The following PDXK variants were observed in gnomAD, a reference collection of about 807,000 sequenced individuals.
PDXK encodes epididymis secretory sperm binding protein Li 1a.
A neutral mutation model predicts 43.2 loss-of-function variants in PDXK; 15 were observed. The ratio of observed to expected loss-of-function variants is 0.35; its 90% confidence interval spans 0.23 to 0.53. PDXK has a LOEUF of 0.53. Among genes scored for constraint, PDXK ranks in the 20% least tolerant of loss-of-function variants. The probability of loss-of-function intolerance (pLI) is 0.92; values close to 1 mark genes in which losing one functional copy is unlikely to be tolerated. For missense variants in PDXK, 343 were observed against 417.0 expected (o/e 0.82, Z 1.54); for synonymous variants, 172 against 165.4 (o/e 1.04, Z -0.31).
chr21:43,753,089 C>T (rs566699015), intron 8 of PDXK, among the ~76,000 whole-genome samples: 1 of 152,308 alleles, frequency 6.6e-6, no homozygotes, highest in East Asian at 1.9e-4. Context: ...GGGAGCCTTG[C>T]AGGCACACAC....
In PDXK at chr21:43,737,329, G is replaced by C; in HGVS notation, c.142+3206G>C. The C allele has an allele frequency of 3.7e-6, 5 of 1,350,914 alleles. No homozygotes were observed. Among genetic ancestry groups the C allele is most frequent in the Non-Finnish European group, 4.8e-6 (5 of 1,051,006 alleles). The allele number at this position is 1,350,914 out of a possible 1,614,324, so 83.7% of individuals were successfully genotyped here. On this transcript the variant is annotated intron_variant, in intron 2 of 10. Coordinates refer to ENST00000291565, the MANE Select transcript of PDXK (RefSeq NM_003681.5). The surrounding 1 kb of genome is among the most constrained non-coding windows in gnomAD (Gnocchi z 4.8). ...TGCTCGCACTTCTGCCCCTTCCCCCGGCCAGGCCCCCGTTCCTTGAGGCCG... is the reference window on the plus strand; with the variant it reads ...TGCTCGCACTTCTGCCCCTTCCCCCCGCCAGGCCCCCGTTCCTTGAGGCCG...
In PDXK at chr21:43,740,097, C is replaced by T. The variant is rs147664892; in HGVS notation, c.143-1570C>T. On this transcript the variant is annotated intron_variant, in intron 2 of 10. Coordinates refer to ENST00000291565, the MANE Select transcript of PDXK (RefSeq NM_003681.5). ...CCTCAGTGCGTACACTCTGGTGTCC[C>T]GGGCAGAGTACAGGGCAGGCGCCCC... Among the ~76,000 whole-genome samples, 103 of 152,172 alleles carry T rather than the reference C, an allele frequency of 6.8e-4. 1 individual carries two copies. The highest frequency in any genetic ancestry group is 1.9e-3 in the African/African-American group (78 of 41,574).
At chr21:43,742,721 T>A (rs1036906815) in intron 3 of PDXK, among the ~76,000 whole-genome samples, 37 of 151,854 alleles carry the variant, frequency 2.4e-4, no homozygotes, top group African/African-American at 3.9e-4. Context: ...TACAAAAAAA[T>A]TTTTAAAAAT....
intron 1 of PDXK, chr21:43,728,851 C>G: frequency 1.0e-6 from 1 of 985,598 alleles, no homozygotes; most frequent in Non-Finnish European, 1.2e-6. Context: ...AAAGCACTTC[C>G]GCTGCGGCCC....
intron 2 of PDXK, chr21:43,738,101 C>A: frequency 1.1e-6 from 1 of 943,762 alleles, no homozygotes; most frequent in Non-Finnish European, 1.3e-6. Flanking sequence ...TCTCATGTTG[C>A]AGCCTTAACC....
rs1056859362 is a variant in PDXK, at chr21:43,723,154, TTTC to T, written c.87+3776_87+3778del. On this transcript the variant is annotated intron_variant, in intron 1 of 10. Transcript: ENST00000291565. This position sits in a 1 kb window ranked among gnomAD's most constrained non-coding sequence, Gnocchi z 4.1. The stretch of plus-strand genomic sequence containing the variant: ...ACGCCTGGCCTTCTTTTTCTTTTTC[TTTC>T]TTTTTTTTTTTTTTGAGACGAGGGT... Among the ~76,000 whole-genome samples the T allele has an allele frequency of 3.2e-4, 46 of 143,880 alleles. No homozygotes were observed. The highest frequency in any genetic ancestry group is 7.5e-4 in the African/African-American group (26 of 34,784). 94.4% of individuals were successfully genotyped at this position (143,880 alleles called of 152,430 possible).
At chr21:43,725,106 A>G (rs1240368866) in intron 1 of PDXK, among the ~76,000 whole-genome samples, 1 of 151,260 alleles carries the variant, frequency 6.6e-6, no homozygotes, top group East Asian at 2.0e-4. Context: ...GGCGGATCAC[A>G]AGATCAGGAG....
At chr21:43,752,919 G>A (rs549576641) in intron 8 of PDXK, among the ~76,000 whole-genome samples, 7 of 152,182 alleles carry the variant, frequency 4.6e-5, no homozygotes, top group Non-Finnish European at 1.0e-4. Flanking sequence ...CCACCCGGCT[G>A]TGCTGATTGT....
intron 2 of PDXK, among the ~76,000 whole-genome samples, chr21:43,739,319 G>A (rs943851919): frequency 3.3e-5 from 5 of 152,102 alleles, no homozygotes; most frequent in Non-Finnish European, 4.4e-5. Flanking sequence ...CACCGCACCC[G>A]GCCCCACCTT....
chr21:43,740,186 C>T (rs1292909542), intron 2 of PDXK, among the ~76,000 whole-genome samples: 2 of 152,078 alleles, frequency 1.3e-5, no homozygotes, highest in Non-Finnish European at 1.5e-5. Context: ...GTCTCAGGAC[C>T]TTTGCGCCAC....
rs2083634779 is a variant in PDXK, at chr21:43,746,131, T to C, written c.378+6T>C. 7 of 1,608,956 alleles carry C rather than the reference T, an allele frequency of 4.4e-6. No homozygotes were observed. The highest frequency in any genetic ancestry group is 6.0e-6 in the Non-Finnish European group (7 of 1,175,354). ...GGGACGGCGAAGGCTCGATGGTGAGTAGTTTCACGTGTGTGATTTAAAAGT... is the reference window on the plus strand; with the variant it reads ...GGGACGGCGAAGGCTCGATGGTGAGCAGTTTCACGTGTGTGATTTAAAAGT... On this transcript the variant is annotated splice_donor_region_variant and intron_variant, in intron 5 of 10. Transcript: ENST00000291565.
At chr21:43,741,935 G>C (rs1040287812) in intron 3 of PDXK, among the ~76,000 whole-genome samples, 164 bp downstream of exon 3, 19 of 152,220 alleles carry the variant, frequency 1.2e-4, no homozygotes, top group Admixed American at 1.2e-3. Flanking sequence ...CGGTAGCCTG[G>C]GGGGTCCTGG....
Position 43,762,228 on chromosome 21 carries a change from G to A in PDXK, c.*6165G>A, listed in dbSNP as rs897325027. On this transcript the variant is annotated 3_prime_UTR_variant, in exon 11 of 11. Coordinates refer to ENST00000291565, the MANE Select transcript of PDXK (RefSeq NM_003681.5). ...GTGAGCCTCGGTCCTACAGCACTGTGTAGGCTGCATCTGTTTCGTGCTGGT... is the reference window on the plus strand; with the variant it reads ...GTGAGCCTCGGTCCTACAGCACTGTATAGGCTGCATCTGTTTCGTGCTGGT... The A allele has an allele frequency of 5.9e-5, 9 of 152,364 alleles. No individual in the cohort carries two copies. Among genetic ancestry groups the A allele is most frequent in the African/African-American group, 2.2e-4 (9 of 41,452 alleles). 9.4% of individuals were successfully genotyped at this position (152,364 alleles called of 1,614,324 possible).
chr21:43,754,994 T>C lies in PDXK; in HGVS notation c.760-704T>C, dbSNP rs2083821268. ...ATCCCTTCTGGCCCCTCAAGGGCAA[T>C]TAAACAGGGCCATTAAGTAAGCCTG... On this transcript the variant is annotated intron_variant, in intron 9 of 10. Transcript: ENST00000291565. This position sits in a 1 kb window ranked among gnomAD's most constrained non-coding sequence, Gnocchi z 5.5. Among the ~76,000 whole-genome samples, 1 of 152,162 alleles carries C rather than the reference T, an allele frequency of 6.6e-6. No individual in the cohort carries two copies. The highest frequency in any genetic ancestry group is 1.5e-5 in the Non-Finnish European group (1 of 68,014).
intron 2 of PDXK, chr21:43,741,058 C>T (rs1006267688): frequency 2.1e-5 from 3 of 144,314 alleles, no homozygotes; most frequent in Admixed American, 6.9e-5. Flanking sequence ...TCTCCCCACG[C>T]TCCTCCTGTA....
In PDXK at chr21:43,734,855, A is replaced by G. The variant is rs1222610639; in HGVS notation, c.142+732A>G. 6.6e-6 allele frequency among the ~76,000 whole-genome samples: 1 copy of G among 151,900 alleles called. No individual in the cohort carries two copies. Among genetic ancestry groups the G allele is most frequent in the Non-Finnish European group, 1.5e-5 (1 of 67,992 alleles). On this transcript the variant is annotated intron_variant, in intron 2 of 10. Transcript: ENST00000291565. This position sits in a 1 kb window ranked among gnomAD's most constrained non-coding sequence, Gnocchi z 5.0. ...AAGCTGTTCTGTTCTTTGAAACCCC[A>G]CCTCGCTTCCCCTGAAATTTCTCTG...
In PDXK at chr21:43,734,209, AGTGTGGGTGTGAGGGACG is replaced by A. The variant is rs2083367579; in HGVS notation, c.142+88_142+105del. The A allele has an allele frequency of 7.9e-7, 1 of 1,262,668 alleles. No homozygotes were observed. The highest frequency in any genetic ancestry group is 1.7e-5 in the African/African-American group (1 of 57,656). 78.2% of individuals were successfully genotyped at this position (1,262,668 alleles called of 1,614,324 possible). ...AGTGTGGGTGTGAGGGACGGGGCGG[AGTGTGGGTGTGAGGGACG>A]GGGCTTTCGTGTGGACGGGGACCTG... On this transcript the variant is annotated intron_variant, in intron 2 of 10. Transcript: ENST00000291565. This position sits in a 1 kb window ranked among gnomAD's most constrained non-coding sequence, Gnocchi z 5.0.
intron 1 of PDXK, among the ~76,000 whole-genome samples, chr21:43,726,668 A>G (rs1008502928): frequency 6.6e-6 from 1 of 152,128 alleles, no homozygotes; most frequent in Non-Finnish European, 1.5e-5. Flanking sequence ...TCAGCCTCCC[A>G]AAGTGTTGGG....
rs1568977830 is a variant in PDXK at position 43,735,452 on chromosome 21, A to G, written c.142+1329A>G. On this transcript the variant is annotated intron_variant, in intron 2 of 10. Transcript: ENST00000291565. This position sits in a 1 kb window ranked among gnomAD's most constrained non-coding sequence, Gnocchi z 5.3. ...CTTCCAGGCTTGGTGGAAGCTTCTC[A>G]GTGGGTGGTGGGCTGGCTGACCCGA... Among the ~76,000 whole-genome samples, 1 of 151,834 alleles carries G rather than the reference A, an allele frequency of 6.6e-6. No homozygotes were observed. Among genetic ancestry groups the G allele is most frequent in the African/African-American group, 2.4e-5 (1 of 41,306 alleles).
Sources: allele counts gnomAD v4.1 joint callset (sites outside exome capture counted in the v4.1 genomes callset), GRCh38; gene constraint gnomAD v4.1.1; non-coding constraint Gnocchi (gnomAD v3.1); transcripts MANE v1.5; gene names NCBI Gene and HGNC (gene_info 2026-07-23, HGNC 2026-07-21).